The following CHLSN variants were observed in gnomAD, a reference collection of about 807,000 sequenced individuals.
CHLSN encodes the protein cholesin.
the CHLSN span, among the ~76,000 whole-genome samples, chr7:1,106,399 G>T: frequency 1.3e-5 from 2 of 152,188 alleles, no homozygotes; most frequent in African/African-American, 2.4e-5. Flanking sequence ...GGTGCCGTGT[G>T]GGGGAGAGGA....
chr7:1,010,304 T>C, the CHLSN span, among the ~76,000 whole-genome samples: 104 of 152,290 alleles, frequency 6.8e-4, no homozygotes, highest in African/African-American at 2.1e-3. Flanking sequence ...GCTAAGCCTG[T>C]GCTACGACGA....
the CHLSN span, chr7:987,151 C>A: frequency 6.3e-7 from 1 of 1,578,484 alleles, no homozygotes; most frequent in Non-Finnish European, 8.6e-7. Flanking sequence ...ACGCGGTGGC[C>A]TGCACCCTGG....
chr7:985,093 TAC>T, the CHLSN span: 5 of 1,612,074 alleles, frequency 3.1e-6, no homozygotes, highest in Non-Finnish European at 2.5e-6. Flanking sequence ...GCTGGATGGC[TAC>T]AGAGGTGAGC....
chr7:985,221 G>A, the CHLSN span: 45 of 1,555,022 alleles, frequency 2.9e-5, no homozygotes, highest in Non-Finnish European at 3.9e-5. Context: ...TCACCTTCGC[G>A]CTCCTCTTCG....
chr7:1,021,303 G>A, the CHLSN span: 2 of 877,898 alleles, frequency 2.3e-6, no homozygotes, highest in East Asian at 2.4e-4. Context: ...TGGCACCCAT[G>A]GGGCAGGTTT....
At chr7:1,032,365 C>T in the CHLSN span, among the ~76,000 whole-genome samples, 1 of 152,364 alleles carries the variant, frequency 6.6e-6, no homozygotes, top group Admixed American at 6.5e-5. Flanking sequence ...AAATCACTTT[C>T]GTGGCATCAC....
the CHLSN span, among the ~76,000 whole-genome samples, chr7:1,096,476 C>T: frequency 3.3e-5 from 5 of 152,210 alleles, no homozygotes; most frequent in Non-Finnish European, 5.9e-5. The surrounding 1 kb of genome is among the most constrained non-coding windows in gnomAD (Gnocchi z 4.6). Flanking sequence ...ACCAGCAGGC[C>T]GGGCAGGGAC....
chr7:992,660 G>A, the CHLSN span, among the ~76,000 whole-genome samples: 3 of 152,234 alleles, frequency 2.0e-5, no homozygotes, highest in African/African-American at 4.8e-5. Context: ...CCCAGAGGCT[G>A]GAAGCCGGCC....
chr7:1,102,413 A>G, the CHLSN span, among the ~76,000 whole-genome samples: 1 of 152,064 alleles, frequency 6.6e-6, no homozygotes, highest in African/African-American at 2.4e-5. Flanking sequence ...CTGCAGCCAC[A>G]CTCAAGTTCT....
At chr7:1,113,785 C>T in the CHLSN span, among the ~76,000 whole-genome samples, 1 of 152,194 alleles carries the variant, frequency 6.6e-6, no homozygotes, top group Non-Finnish European at 1.5e-5. Flanking sequence ...CGGGTGCCAG[C>T]TCTGACTGCC....
chr7:1,105,973 G>A, the CHLSN span, among the ~76,000 whole-genome samples: 2 of 152,100 alleles, frequency 1.3e-5, no homozygotes, highest in South Asian at 4.1e-4. Context: ...GAACAGAGAG[G>A]AGCACACGGA....
At chr7:1,051,068 A>G in the CHLSN span, among the ~76,000 whole-genome samples, 1 of 152,058 alleles carries the variant, frequency 6.6e-6, no homozygotes. Flanking sequence ...CCCAGAGGCC[A>G]CCCCTGCGTC....
chr7:1,118,874 A>G, the CHLSN span, among the ~76,000 whole-genome samples: 5 of 151,710 alleles, frequency 3.3e-5, no homozygotes, highest in African/African-American at 9.7e-5. Flanking sequence ...TAAAAAAACT[A>G]AAGTATTAAA....
At chr7:1,091,722 CAG>C in the CHLSN span, 1 of 1,519,396 alleles carries the variant, frequency 6.6e-7, no homozygotes, top group South Asian at 1.3e-5. Context: ...CTGCACGGTG[CAG>C]AGACATGGAT....
chr7:1,006,427 C>T, the CHLSN span, among the ~76,000 whole-genome samples: 1 of 149,440 alleles, frequency 6.7e-6, no homozygotes. Flanking sequence ...GAGCGCACGA[C>T]GGCCACAGCG....
the CHLSN span, among the ~76,000 whole-genome samples, chr7:1,119,835 T>A: frequency 1.9e-4 from 29 of 149,150 alleles, 1 homozygote; most frequent in South Asian, 5.9e-3. Flanking sequence ...CGAGATTGTG[T>A]CACTGCACTC....
chr7:1,065,702 G>T, the CHLSN span, among the ~76,000 whole-genome samples: 18 of 152,234 alleles, frequency 1.2e-4, no homozygotes, highest in Non-Finnish European at 2.1e-4. Flanking sequence ...CCTTGCCGGG[G>T]TGCTGGTGAC....
the CHLSN span, chr7:1,058,221 G>A: frequency 1.3e-6 from 1 of 756,056 alleles, no homozygotes; most frequent in South Asian, 1.4e-5. Flanking sequence ...CAGGCTGCTG[G>A]TGGCCACCGT....
chr7:1,114,798 A>G, the CHLSN span, among the ~76,000 whole-genome samples: 1 of 152,256 alleles, frequency 6.6e-6, no homozygotes, highest in Non-Finnish European at 1.5e-5. Flanking sequence ...TGCCCGGGCG[A>G]TGGGCAGGTG....
Sources: allele counts gnomAD v4.1 joint callset (sites outside exome capture counted in the v4.1 genomes callset), GRCh38; gene constraint gnomAD v4.1.1; non-coding constraint Gnocchi (gnomAD v3.1); transcripts MANE v1.5; gene names NCBI Gene and HGNC (gene_info 2026-07-23, HGNC 2026-07-21).